The following TTC23L variants were observed in gnomAD, a reference collection of about 807,000 sequenced individuals.
TTC23L encodes tetratricopeptide repeat domain 23 like, also known as tetratricopeptide repeat protein 23-like.
In TTC23L, 42 loss-of-function variants were observed where a neutral mutation model predicts 48.1. The ratio of observed to expected loss-of-function variants is 0.87; its 90% CI spans 0.68 to 1.13. The LOEUF is 1.13. Among genes scored for constraint, TTC23L ranks in the 50% most tolerant of loss-of-function variants. The pLI, the probability that TTC23L is intolerant of heterozygous loss-of-function variation, is 0.00. For missense variants in TTC23L, 391 were observed against 421.0 expected, an observed-to-expected ratio of 0.93 and a Z score of 0.62; for synonymous variants, 159 against 157.2, an observed-to-expected ratio of 1.01 and a Z score of -0.09.
At chr5:34,919,767 A>C in the TTC23L span, 3 of 499,616 alleles carry the variant, frequency 6.0e-6, no homozygotes, top group African/African-American at 2.0e-5. Context: ...TCTGGATAGC[A>C]TATGTGGTTT....
the TTC23L span, chr5:34,913,636 A>C: frequency 9.6e-7 from 1 of 1,041,584 alleles, no homozygotes; most frequent in Non-Finnish European, 1.4e-6. Flanking sequence ...TAATAATATA[A>C]GGTCCTAGAT....
intron 6 of TTC23L, among the ~76,000 whole-genome samples, chr5:34,865,998 A>T (rs79209744): frequency 0.011 from 1,687 of 152,340 alleles, 12 homozygotes; most frequent in African/African-American, 0.015. Context: ...TGTTTTATTT[A>T]GAAGGAAATG....
chr5:34,894,243 A>T (rs1352448185), intron 9 of TTC23L, among the ~76,000 whole-genome samples: 1 of 152,190 alleles, frequency 6.6e-6, no homozygotes, highest in Non-Finnish European at 1.5e-5. Flanking sequence ...ATACATACAT[A>T]AATATATCTT....
At chr5:34,877,361 C>CTT (rs796888113) in intron 8 of TTC23L, among the ~76,000 whole-genome samples, 21 of 121,094 alleles carry the variant, frequency 1.7e-4, no homozygotes, top group African/African-American at 6.3e-4. Context: ...CACCATTGTT[C>CTT]TTTTTTTTTT....
At chr5:34,842,210 AT>A in intron 2 of TTC23L, among the ~76,000 whole-genome samples, 1 of 152,298 alleles carries the variant, frequency 6.6e-6, no homozygotes, top group South Asian at 2.1e-4. Flanking sequence ...TGCTAAAATT[AT>A]TAATGAAATA....
chr5:34,915,757 A>C, the TTC23L span: 2 of 1,603,964 alleles, frequency 1.2e-6, no homozygotes, highest in Admixed American at 1.7e-5. Context: ...AACCAAGAGG[A>C]AACGGCGTGG....
intron 9 of TTC23L, among the ~76,000 whole-genome samples, chr5:34,887,314 C>G (rs796457816): frequency 9.9e-5 from 15 of 152,036 alleles, no homozygotes; most frequent in African/African-American, 3.6e-4. Context: ...GGGCAGAAGC[C>G]TGAAAGGAGA....
chr5:34,914,564 T>A, the TTC23L span: 1 of 804,220 alleles, frequency 1.2e-6, no homozygotes, highest in Non-Finnish European at 1.9e-6. Context: ...ATTTATTTAT[T>A]AAGTTATTTA....
the TTC23L span, among the ~76,000 whole-genome samples, chr5:34,923,831 T>C: frequency 6.6e-6 from 1 of 152,226 alleles, no homozygotes; most frequent in South Asian, 2.1e-4. Flanking sequence ...CTATGTACTG[T>C]CTTATATCTT....
chr5:34,889,660 A>G (rs1453305254), intron 9 of TTC23L, among the ~76,000 whole-genome samples: 1 of 152,152 alleles, frequency 6.6e-6, no homozygotes, highest in Non-Finnish European at 1.5e-5. Flanking sequence ...ACAGGACAAA[A>G]TGGGGAACTT....
Position 34,845,528 on chromosome 5 carries a change from AGTTGTATCCCACTG to A in TTC23L, c.113_126del (p.Leu38TrpfsTer6). ...ATCCCAGCTCACCAGCAAACAGATGAGTTGTATCCCACTGGTGGGTGTGGAGAGAGTGAAGAGGA... is the reference window on the plus strand; with the variant it reads ...ATCCCAGCTCACCAGCAAACAGATGAGTGGGTGTGGAGAGAGTGAAGAGGA... On this transcript the variant is annotated frameshift_variant, in exon 3 of 11. Transcript: ENST00000505624. LOFTEE classifies it high-confidence loss of function. The A allele has an allele frequency of 6.2e-7, 1 of 1,613,876 alleles. No homozygotes were observed. Among genetic ancestry groups the A allele is most frequent in the Non-Finnish European group, 8.5e-7 (1 of 1,179,874 alleles).
the TTC23L span, chr5:34,919,824 T>G: frequency 1.1e-6 from 1 of 912,740 alleles, no homozygotes; most frequent in South Asian, 1.8e-5. Flanking sequence ...GCTTTTTCTT[T>G]TTTTTCTTTT....
chr5:34,911,465 A>G, the TTC23L span: 1 of 1,463,620 alleles, frequency 6.8e-7, no homozygotes, highest in East Asian at 2.3e-5. Context: ...AAAAATGTGG[A>G]TAATAAAAAT....
chr5:34,896,095 G>A (rs951873706), intron 9 of TTC23L, among the ~76,000 whole-genome samples: 1 of 152,198 alleles, frequency 6.6e-6, no homozygotes, highest in Non-Finnish European at 1.5e-5. Flanking sequence ...GTAGAGAAGT[G>A]AAAACTCAGA....
At chr5:34,916,481 G>T in the TTC23L span, 1 of 152,166 alleles carries the variant, frequency 6.6e-6, no homozygotes, top group African/African-American at 2.4e-5. Context: ...GCTTCCTTTG[G>T]GTTTGAGATT....
At chr5:34,880,329 A>G in intron 9 of TTC23L, 21 bp downstream of exon 9, 4 of 1,592,972 alleles carry the variant, frequency 2.5e-6, no homozygotes, top group Non-Finnish European at 3.4e-6. Context: ...TCAATGCATA[A>G]ACAGAATTGC....
At chr5:34,893,925 T>G (rs1763034384) in intron 9 of TTC23L, among the ~76,000 whole-genome samples, 1 of 152,132 alleles carries the variant, frequency 6.6e-6, no homozygotes. Context: ...CACACAGATT[T>G]CCAATCTCAG....
At chr5:34,901,034 C>T (rs1763496284), downstream of TTC23L, among the ~76,000 whole-genome samples, 1 of 152,056 alleles carries the variant, frequency 6.6e-6, no homozygotes, top group Admixed American at 6.5e-5. Flanking sequence ...GTGAATGGCA[C>T]CATGTACTGT....
At chr5:34,909,578 G>A in the TTC23L span, among the ~76,000 whole-genome samples, 17 of 152,214 alleles carry the variant, frequency 1.1e-4, no homozygotes, top group South Asian at 3.3e-3. Flanking sequence ...AAAGGAAAAG[G>A]GTAGGGGACA....
Sources: allele counts gnomAD v4.1 joint callset (sites outside exome capture counted in the v4.1 genomes callset), GRCh38; gene constraint gnomAD v4.1.1; transcripts MANE v1.5; gene names NCBI Gene and HGNC (gene_info 2026-07-23, HGNC 2026-07-21).